Variants in INVS observed in about 807,000 individuals in gnomAD.
The protein encoded by INVS is inversion of embryo turning homolog.
Under a neutral mutation model 108.8 loss-of-function variants are expected in INVS, and 86 were observed. That is an observed-to-expected ratio of 0.79 (90% CI 0.66 to 0.95). The LOEUF is 0.95. Among genes scored for constraint, INVS ranks in the 40% least tolerant of loss-of-function variants. The probability of loss-of-function intolerance (pLI) is 0.00; values close to 1 mark genes in which losing one functional copy is unlikely to be tolerated. For missense variants in INVS, 1,169 were observed against 1,297.4 expected (o/e 0.90, Z 1.52); for synonymous variants, 455 against 473.5 (o/e 0.96, Z 0.51).
chr9:100,226,239 A>T lies in INVS; in HGVS notation c.447+4A>T. The T allele has an allele frequency of 6.2e-7, 1 of 1,612,630 alleles. No homozygotes were observed. Among genetic ancestry groups the T allele is most frequent in the Non-Finnish European group, 8.5e-7 (1 of 1,179,084 alleles). ...GGATACACAGGATAAAAACAAGGTA[A>T]TGGATACTCAAAATCAAAGACTAAT... On this transcript the variant is annotated splice_donor_region_variant and intron_variant, in intron 4 of 16. Coordinates refer to ENST00000262457, the MANE Select transcript of INVS (RefSeq NM_014425.5).
intron 3 of INVS, among the ~76,000 whole-genome samples, chr9:100,191,166 C>G (rs1238686525): frequency 1.3e-5 from 2 of 152,104 alleles, no homozygotes; most frequent in African/African-American, 4.8e-5. Flanking sequence ...CTGGTGATAT[C>G]CTTTTTGTAA....
intron 3 of INVS, among the ~76,000 whole-genome samples, chr9:100,161,396 C>T (rs1193118624): frequency 9.1e-6 from 1 of 110,368 alleles, no homozygotes; most frequent in East Asian, 2.2e-4. Context: ...AAAAAAACCT[C>T]ATAAATTGAG....
At chr9:100,253,683 C>G (rs370698788) in intron 10 of INVS, among the ~76,000 whole-genome samples, 3 of 151,974 alleles carry the variant, frequency 2.0e-5, no homozygotes, top group East Asian at 1.9e-4. Context: ...TCTGTCCTTG[C>G]GATAGTTTGC....
chr9:100,246,584 G>A (rs760201265), intron 7 of INVS, 32 bp from the exon 8 acceptor site: 2 of 1,526,648 alleles, frequency 1.3e-6, no homozygotes, highest in Non-Finnish European at 9.1e-7. Flanking sequence ...CTACTGTTTT[G>A]TCTCCATTTT....
intron 3 of INVS, among the ~76,000 whole-genome samples, chr9:100,156,938 A>ATG (rs1201554232): frequency 8.6e-6 from 1 of 116,216 alleles, no homozygotes. Flanking sequence ...ATACATATAT[A>ATG]TATATACACA....
chr9:100,115,933 T>A (rs1330629961), intron 2 of INVS, among the ~76,000 whole-genome samples: 1 of 152,150 alleles, frequency 6.6e-6, no homozygotes, highest in Non-Finnish European at 1.5e-5. Flanking sequence ...GTGTTCCTAT[T>A]TCTCCACATC....
At position 100,154,331 on chromosome 9, in the gene INVS, A is replaced by ATTTTTTTTTTTTTTTTTTTTTTTTT. The variant is rs780090630; in HGVS notation, c.273+27786_273+27810dup. ...AGGTGTGTGCCACCACAACCGACTA[A>ATTTTTTTTTTTTTTTTTTTTTTTTT]TTTTTTTTTTTTTTTTTTTTTTTTT... On this transcript the variant is annotated intron_variant, in intron 3 of 16. Coordinates refer to ENST00000262457, the MANE Select transcript of INVS (RefSeq NM_014425.5). 5.4e-4 allele frequency among the ~76,000 whole-genome samples: 37 copies of ATTTTTTTTTTTTTTTTTTTTTTTTT among 68,570 alleles called. 4 individuals are homozygous for ATTTTTTTTTTTTTTTTTTTTTTTTT. Among genetic ancestry groups the ATTTTTTTTTTTTTTTTTTTTTTTTT allele is most frequent in the African/African-American group, 1.5e-3 (20 of 12,992 alleles). The allele number at this position is 68,570 out of a possible 152,430, so 45.0% of individuals were successfully genotyped here.
chr9:100,118,231 CAG>C (rs1348335553), intron 2 of INVS, among the ~76,000 whole-genome samples: 2 of 150,226 alleles, frequency 1.3e-5, no homozygotes, highest in Non-Finnish European at 3.0e-5. Context: ...GTTGTTGAGA[CAG>C]AGTCTTACTT....
chr9:100,233,917 A>G (rs1006165913), intron 5 of INVS, among the ~76,000 whole-genome samples: 33 of 151,994 alleles, frequency 2.2e-4, no homozygotes, highest in African/African-American at 5.5e-4. Flanking sequence ...CTCTTTTTCT[A>G]TTGTTTGGAA....
intron 10 of INVS, among the ~76,000 whole-genome samples, 186 bp from the exon 11 acceptor site, chr9:100,264,636 A>G (rs1325053342): frequency 6.7e-6 from 1 of 149,134 alleles, no homozygotes; most frequent in African/African-American, 2.5e-5. Context: ...AAAAAAAAAT[A>G]GTGTTAATTA....
At chr9:100,173,101 C>G (rs1487946209) in intron 3 of INVS, among the ~76,000 whole-genome samples, 1 of 152,178 alleles carries the variant, frequency 6.6e-6, no homozygotes, top group South Asian at 2.1e-4. Context: ...CAGCAGTACT[C>G]AACCATCTAG....
intron 11 of INVS, among the ~76,000 whole-genome samples, chr9:100,266,679 C>T (rs1564183623): frequency 1.3e-5 from 2 of 152,182 alleles, no homozygotes; most frequent in Non-Finnish European, 2.9e-5. Context: ...CCTTAACCTT[C>T]TGGGAATGCA....
chr9:100,274,931 A>T (rs1833071449), intron 12 of INVS, among the ~76,000 whole-genome samples: 1 of 152,236 alleles, frequency 6.6e-6, no homozygotes, highest in Non-Finnish European at 1.5e-5. Context: ...AATAATCATT[A>T]AAAGTAATAA....
At chr9:100,293,415 G>A (rs949767986) in intron 14 of INVS, among the ~76,000 whole-genome samples, 2 of 152,130 alleles carry the variant, frequency 1.3e-5, no homozygotes, top group African/African-American at 4.8e-5. Flanking sequence ...AATAATTGTT[G>A]CACATGTCCT....
At chr9:100,122,645 A>T (rs1353083415) in intron 2 of INVS, among the ~76,000 whole-genome samples, 1 of 121,834 alleles carries the variant, frequency 8.2e-6, no homozygotes, top group Non-Finnish European at 1.6e-5. Flanking sequence ...GTGCAGTGGC[A>T]CGATTTCGGC....
rs148062391 is a variant in INVS, at chr9:100,269,790, G to A, written c.1572-3074G>A. On this transcript the variant is annotated intron_variant, in intron 11 of 16. Coordinates refer to ENST00000262457, the MANE Select transcript of INVS (RefSeq NM_014425.5). ...CTGAGAGGAATCAGCATCAGTGGTG[G>A]TCATGGGATGGTCATAGATACTAGT... Among the ~76,000 whole-genome samples, 31 of 152,290 alleles carry A rather than the reference G, an allele frequency of 2.0e-4. No homozygotes were observed. The East Asian group carries it at 4.8e-3, about 24-fold the overall frequency.
chr9:100,221,547 A>G (rs2118371530), intron 3 of INVS, among the ~76,000 whole-genome samples: 1 of 152,182 alleles, frequency 6.6e-6, no homozygotes, highest in South Asian at 2.1e-4. Flanking sequence ...TTCATAGATA[A>G]TATCTGATGG....
intron 13 of INVS, among the ~76,000 whole-genome samples, chr9:100,290,580 G>A (rs937228704): frequency 3.3e-5 from 5 of 152,082 alleles, no homozygotes; most frequent in African/African-American, 1.2e-4. Flanking sequence ...TCGAACTCCC[G>A]ACCTCAGGTG....
chr9:100,125,983 G>A (rs1827871783), intron 2 of INVS, among the ~76,000 whole-genome samples: 1 of 152,164 alleles, frequency 6.6e-6, no homozygotes, highest in African/African-American at 2.4e-5. Context: ...ACCGCACCCA[G>A]CCTGTAATTC....
Sources: allele counts gnomAD v4.1 joint callset (sites outside exome capture counted in the v4.1 genomes callset), GRCh38; gene constraint gnomAD v4.1.1; transcripts MANE v1.5; gene names NCBI Gene and HGNC (gene_info 2026-07-23, HGNC 2026-07-21).